The following CDYL2 variants were observed in gnomAD, a reference collection of about 807,000 sequenced individuals.
CDYL2 encodes the protein chromodomain Y like 2.
Under a neutral mutation model 49.4 loss-of-function variants are expected in CDYL2, and 23 were observed. The observed-to-expected ratio is 0.47, with a 90% CI of 0.34 to 0.66. CDYL2 has a LOEUF of 0.66. Among genes scored for constraint, CDYL2 ranks in the 30% least tolerant of loss-of-function variants. The pLI is 0.01. For synonymous variants in CDYL2, 360 were observed against 268.8 expected, an observed-to-expected ratio of 1.34 and a Z score of -3.32; for missense variants, 678 against 656.4, an observed-to-expected ratio of 1.03 and a Z score of -0.36.
At chr16:80,704,656 C>T (rs987140388) in intron 1 of CDYL2, among the ~76,000 whole-genome samples, 43 of 152,310 alleles carry the variant, frequency 2.8e-4, no homozygotes, top group African/African-American at 1.0e-3. Context: ...GGAAGAGCTG[C>T]CACTGATTGG....
intron 1 of CDYL2, among the ~76,000 whole-genome samples, chr16:80,788,826 T>C (rs554371293): frequency 1.3e-5 from 2 of 152,310 alleles, no homozygotes; most frequent in East Asian, 1.9e-4. Flanking sequence ...TAAATGCTAT[T>C]ATTACTGTTT....
intron 1 of CDYL2, among the ~76,000 whole-genome samples, chr16:80,747,218 G>A (rs1422702764): frequency 6.6e-6 from 1 of 152,064 alleles, no homozygotes; most frequent in African/African-American, 2.4e-5. Flanking sequence ...ACCACCTGTC[G>A]ATGTTCCTTA....
At chr16:80,670,965 C>T in intron 2 of CDYL2, 1 of 456,026 alleles carries the variant, frequency 2.2e-6, no homozygotes, top group Non-Finnish European at 4.4e-6. Flanking sequence ...ACATGAATAT[C>T]TAAAGAAGGC....
In CDYL2 at chr16:80,626,475, G is replaced by A. The variant is rs76763796; in HGVS notation, c.835-5540C>T. 5.1e-3 allele frequency among the ~76,000 whole-genome samples: 779 copies of A among 152,174 alleles called. 8 individuals are homozygous for A. The highest frequency in any genetic ancestry group is 0.017 in the African/African-American group (722 of 41,492). On this transcript the variant is annotated intron_variant, in intron 3 of 6. Coordinates refer to ENST00000570137, the MANE Select transcript of CDYL2 (RefSeq NM_152342.4). ...GTTGGAGCATGTCAAGGTTATATTC[G>A]GAAGTGGTGGAGGTAGTTACTCTTA...
chr16:80,725,981 G>A (rs1342023378), intron 1 of CDYL2, among the ~76,000 whole-genome samples: 3 of 152,208 alleles, frequency 2.0e-5, no homozygotes, highest in East Asian at 1.9e-4. Context: ...AAGGCCAACT[G>A]TTAAGTGTTC....
rs991878710 is a variant in CDYL2 at position 80,603,606 on chromosome 16, G to C, written c.*782C>G. The C allele has an allele frequency of 6.6e-6, 1 of 152,528 alleles. No homozygotes were observed. The highest frequency in any genetic ancestry group is 2.4e-5 in the African/African-American group (1 of 41,410). The allele number at this position is 152,528 out of a possible 1,614,324, so 9.4% of individuals were successfully genotyped here. A position where few individuals can be genotyped will look rare whatever the true frequency, so the allele number is the denominator to read the frequency against. On this transcript the variant is annotated 3_prime_UTR_variant, in exon 7 of 7. Transcript: ENST00000570137. Reference sequence around the variant, plus strand: ...TGAACCTTGTGTGGGATTTGGTCCAGGGTAGTATGAAAATAGTATCTGTGT... The same window carrying C: ...TGAACCTTGTGTGGGATTTGGTCCACGGTAGTATGAAAATAGTATCTGTGT...
intron 1 of CDYL2, among the ~76,000 whole-genome samples, chr16:80,796,779 A>G (rs1907779676): frequency 6.6e-6 from 1 of 152,184 alleles, no homozygotes; most frequent in Non-Finnish European, 1.5e-5. Context: ...GACTCTTAGA[A>G]GAGTTGCCCA....
chr16:80,669,630 C>T (rs1281613306), intron 2 of CDYL2, among the ~76,000 whole-genome samples: 1 of 152,138 alleles, frequency 6.6e-6, no homozygotes, highest in Non-Finnish European at 1.5e-5. Flanking sequence ...CGAGAGAGGC[C>T]AAGCAGGAGG....
chr16:80,758,716 G>A (rs1007559504), intron 1 of CDYL2, among the ~76,000 whole-genome samples: 3 of 151,642 alleles, frequency 2.0e-5, no homozygotes, highest in Non-Finnish European at 4.4e-5. Context: ...CTAATTTTTT[G>A]TATTTTTAGT....
chr16:80,790,201 T>C (rs1425586668), intron 1 of CDYL2, among the ~76,000 whole-genome samples: 1 of 152,168 alleles, frequency 6.6e-6, no homozygotes, highest in African/African-American at 2.4e-5. Context: ...TACACAGCAA[T>C]TCATTAAGTC....
At chr16:80,625,443 T>C (rs1907259171) in intron 3 of CDYL2, among the ~76,000 whole-genome samples, 1 of 152,248 alleles carries the variant, frequency 6.6e-6, no homozygotes, top group Admixed American at 6.5e-5. Context: ...ATACTCTCTA[T>C]TTTAAGGTCA....
intron 1 of CDYL2, among the ~76,000 whole-genome samples, chr16:80,791,073 C>T (rs1027966252): frequency 6.6e-6 from 1 of 152,192 alleles, no homozygotes; most frequent in African/African-American, 2.4e-5. Flanking sequence ...CTTCAAAACT[C>T]TCATCCAACA....
chr16:80,791,970 T>C (rs1436026472), intron 1 of CDYL2, among the ~76,000 whole-genome samples: 2 of 151,944 alleles, frequency 1.3e-5, no homozygotes, highest in Non-Finnish European at 2.9e-5. Context: ...ATTAAAGTGG[T>C]GAGAGTATTA....
chr16:80,621,641 A>G (rs1907089364), intron 3 of CDYL2, among the ~76,000 whole-genome samples: 1 of 152,240 alleles, frequency 6.6e-6, no homozygotes, highest in African/African-American at 2.4e-5. Context: ...CTGCAGGTTC[A>G]CATTCCTGGG....
intron 2 of CDYL2, among the ~76,000 whole-genome samples, chr16:80,642,241 G>A (rs1170912584): frequency 6.6e-6 from 1 of 152,180 alleles, no homozygotes; most frequent in East Asian, 1.9e-4. Flanking sequence ...TCAGGAGTTC[G>A]TGACCAGACT....
At chr16:80,792,244 A>T (rs1327917922) in intron 1 of CDYL2, among the ~76,000 whole-genome samples, 3 of 152,202 alleles carry the variant, frequency 2.0e-5, no homozygotes, top group Non-Finnish European at 4.4e-5. Context: ...TCATCCATAC[A>T]ATCACTATAG....
intron 1 of CDYL2, among the ~76,000 whole-genome samples, chr16:80,738,204 T>C (rs1180797536): frequency 6.6e-6 from 1 of 152,214 alleles, no homozygotes; most frequent in Non-Finnish European, 1.5e-5. Flanking sequence ...ACCCATCCTT[T>C]TTTATGGCTG....
intron 2 of CDYL2, among the ~76,000 whole-genome samples, chr16:80,683,791 T>C (rs746654360): frequency 6.6e-6 from 1 of 152,214 alleles, no homozygotes; most frequent in Non-Finnish European, 1.5e-5. Flanking sequence ...CCTTCTATCA[T>C]GTGAGGACAC....
At chr16:80,690,605 C>G (rs1445411796) in intron 1 of CDYL2, among the ~76,000 whole-genome samples, 1 of 152,082 alleles carries the variant, frequency 6.6e-6, no homozygotes, top group Non-Finnish European at 1.5e-5. Flanking sequence ...GGCTCCAAAT[C>G]CCATGCTCTC....
Sources: allele counts gnomAD v4.1 joint callset (sites outside exome capture counted in the v4.1 genomes callset), GRCh38; gene constraint gnomAD v4.1.1; transcripts MANE v1.5; gene names NCBI Gene and HGNC (gene_info 2026-07-23, HGNC 2026-07-21).